RIMS4: variants seen among roughly 807,000 people sequenced by gnomAD.
RIMS4 encodes the protein regulating synaptic membrane exocytosis 4.
A neutral mutation model predicts 29.0 loss-of-function variants in RIMS4; 9 were observed. That is an observed-to-expected ratio of 0.31 (90% CI 0.19 to 0.54). The LOEUF (loss-of-function observed/expected upper bound fraction) is 0.54. Among genes scored for constraint, RIMS4 ranks in the 20% least tolerant of loss-of-function variants. The pLI, the probability that RIMS4 is intolerant of heterozygous loss-of-function variation, is 0.94. For missense variants in RIMS4, 193 were observed against 365.7 expected (o/e 0.53, Z 3.85); for synonymous variants, 130 against 152.9 (o/e 0.85, Z 1.10).
At chr20:44,767,218 C>T (rs1005289308) in intron 2 of RIMS4, among the ~76,000 whole-genome samples, 1 of 152,184 alleles carries the variant, frequency 6.6e-6, no homozygotes, top group African/African-American at 2.4e-5. Context: ...GAACACACGT[C>T]AATAGGGAGT....
chr20:44,801,829 A>G (rs538354747), intron 1 of RIMS4, among the ~76,000 whole-genome samples: 8 of 152,306 alleles, frequency 5.3e-5, no homozygotes, highest in African/African-American at 1.9e-4. Flanking sequence ...GACCATACCC[A>G]GGACTGAATT....
intron 2 of RIMS4, among the ~76,000 whole-genome samples, chr20:44,761,682 G>A (rs1311976319): frequency 1.3e-5 from 2 of 152,120 alleles, no homozygotes; most frequent in East Asian, 3.9e-4. Context: ...TCCCACACTC[G>A]GGTTGCCTGG....
intron 1 of RIMS4, among the ~76,000 whole-genome samples, chr20:44,801,676 G>A (rs1229297264): frequency 6.6e-6 from 1 of 152,200 alleles, no homozygotes; most frequent in Middle Eastern, 3.4e-3. Flanking sequence ...CTGATGCATT[G>A]CTCATTTTGA....
intron 1 of RIMS4, among the ~76,000 whole-genome samples, chr20:44,785,197 C>A (rs147887330): frequency 5.3e-5 from 8 of 151,938 alleles, no homozygotes; most frequent in African/African-American, 1.9e-4. Flanking sequence ...AGTTTGGGAG[C>A]CTGCAATCCC....
Position 44,758,187 on chromosome 20 carries a change from G to A in RIMS4, c.237-3C>T. 6.2e-7 allele frequency: 1 copy of A among 1,603,102 alleles called. No homozygotes were observed. The highest frequency in any genetic ancestry group is 8.5e-7 in the Non-Finnish European group (1 of 1,172,822). Reference sequence around the variant, plus strand: ...GGCAAACTCCTCCATAGTTAAGGCTGCAAGAGGAAAAGGTGAGACAAAGCA... The same window carrying A: ...GGCAAACTCCTCCATAGTTAAGGCTACAAGAGGAAAAGGTGAGACAAAGCA... On this transcript the variant is annotated splice_polypyrimidine_tract_variant and splice_region_variant and intron_variant, in intron 2 of 5. Transcript: ENST00000372851.
chr20:44,754,688 C>G lies in RIMS4; in HGVS notation c.*1446G>C, dbSNP rs1601014505. The G allele has an allele frequency of 6.5e-6, 1 of 152,806 alleles. No homozygotes were observed. The highest frequency in any genetic ancestry group is 1.5e-5 in the Non-Finnish European group (1 of 68,176). 9.5% of individuals were successfully genotyped at this position (152,806 alleles called of 1,614,324 possible). On this transcript the variant is annotated 3_prime_UTR_variant, in exon 6 of 6. Coordinates refer to ENST00000372851, the MANE Select transcript of RIMS4 (RefSeq NM_182970.4). ...ATCTAGGCCCAGGCCAGCGAGGAGA[C>G]AGTGGTCTCCTGGAATGTACTTGAG...
intron 1 of RIMS4, among the ~76,000 whole-genome samples, chr20:44,784,669 C>T (rs897269483): frequency 5.3e-5 from 8 of 152,348 alleles, no homozygotes; most frequent in African/African-American, 1.9e-4. Flanking sequence ...CACGCTGGGT[C>T]TCCTACTCCT....
chr20:44,786,277 C>T (rs1568902859), intron 1 of RIMS4, among the ~76,000 whole-genome samples: 1 of 152,172 alleles, frequency 6.6e-6, no homozygotes, highest in Non-Finnish European at 1.5e-5. Flanking sequence ...CACACCCCCA[C>T]CATCATTCCC....
rs1395306199 is a variant in RIMS4 at position 44,756,811 on chromosome 20, C to G, written c.591+87G>C. ...CAGGCGAGGCCCTCCAGAGACACCC[C>G]CCGCCAGGGGTGCCCTCCTCTCATT... is the stretch of plus-strand genomic sequence containing the variant. On this transcript the variant is annotated intron_variant, in intron 5 of 5. Coordinates refer to ENST00000372851, the MANE Select transcript of RIMS4 (RefSeq NM_182970.4). This position sits in a 1 kb window ranked among gnomAD's most constrained non-coding sequence, Gnocchi z 5.9. 13 of 1,391,008 alleles carry G rather than the reference C, an allele frequency of 9.3e-6. No individual in the cohort carries two copies. Among genetic ancestry groups the G allele is most frequent in the Non-Finnish European group, 1.2e-5 (13 of 1,042,588 alleles). The allele number at this position is 1,391,008 out of a possible 1,614,324, so 86.2% of individuals were successfully genotyped here.
chr20:44,796,179 C>T (rs1234754775), intron 1 of RIMS4, among the ~76,000 whole-genome samples: 1 of 151,574 alleles, frequency 6.6e-6, no homozygotes, highest in East Asian at 1.9e-4. Flanking sequence ...CCCCACCCAA[C>T]ATGTCAGTTC....
At chr20:44,767,226 A>T (rs987763271) in intron 2 of RIMS4, among the ~76,000 whole-genome samples, 1 of 152,198 alleles carries the variant, frequency 6.6e-6, no homozygotes, top group Non-Finnish European at 1.5e-5. Flanking sequence ...GTCAATAGGG[A>T]GTATCTCAGG....
rs367598464 is a variant in RIMS4 at position 44,798,572 on chromosome 20, G to T, written c.97+11603C>A. ...TGGCCAGATCCCCCATGCTAAGCAG[G>T]TCCCCCATCACTCAGCTGCCATGAG... On this transcript the variant is annotated intron_variant, in intron 1 of 5. Coordinates refer to ENST00000372851, the MANE Select transcript of RIMS4 (RefSeq NM_182970.4). Among the ~76,000 whole-genome samples the T allele has an allele frequency of 8.5e-5, 13 of 152,284 alleles. No individual in the cohort carries two copies. In the South Asian group the frequency reaches 2.7e-3, roughly 32 times the overall value.
chr20:44,765,508 TAAAACAAAAC>T (rs563565697), intron 2 of RIMS4, among the ~76,000 whole-genome samples: 1 of 152,138 alleles, frequency 6.6e-6, no homozygotes, highest in African/African-American at 2.4e-5. Flanking sequence ...CTAGTGCTTA[TAAAACAAAAC>T]AAAACAAAAC....
chr20:44,794,193 G>T (rs1272805773), intron 1 of RIMS4, among the ~76,000 whole-genome samples: 1 of 152,202 alleles, frequency 6.6e-6, no homozygotes, highest in Non-Finnish European at 1.5e-5. Flanking sequence ...GGGAACTGTG[G>T]TCTCCAATTT....
chr20:44,783,985 T>G (rs2066196681), intron 1 of RIMS4, among the ~76,000 whole-genome samples: 2 of 152,184 alleles, frequency 1.3e-5, no homozygotes, highest in Non-Finnish European at 2.9e-5. Flanking sequence ...ATGAATTATA[T>G]CTCAATAAAG....
At chr20:44,796,346 G>T (rs1194670440) in intron 1 of RIMS4, among the ~76,000 whole-genome samples, 2 of 152,142 alleles carry the variant, frequency 1.3e-5, no homozygotes, top group African/African-American at 4.8e-5. Context: ...ACAAAGACTG[G>T]ACTTGCCTTA....
Position 44,755,884 on chromosome 20 carries a change from C to T in RIMS4, c.*250G>A. The T allele has an allele frequency of 4.1e-6, 2 of 488,810 alleles. No homozygotes were observed. Among genetic ancestry groups the T allele is most frequent in the Non-Finnish European group, 7.4e-6 (2 of 271,230 alleles). 30.3% of individuals were successfully genotyped at this position (488,810 alleles called of 1,614,324 possible). ...AATCTTTCCTTTCTCTGGACTGCAG[C>T]CACATCCACCAGGTCAAGAACCGGC... On this transcript the variant is annotated 3_prime_UTR_variant, in exon 6 of 6. Transcript: ENST00000372851.
intron 2 of RIMS4, among the ~76,000 whole-genome samples, chr20:44,763,690 A>T (rs1232464908): frequency 6.6e-6 from 1 of 152,170 alleles, no homozygotes; most frequent in Non-Finnish European, 1.5e-5. Flanking sequence ...TTGTTTGTGG[A>T]GCTGAAACCC....
chr20:44,778,432 T>C (rs1189174069), intron 1 of RIMS4, among the ~76,000 whole-genome samples: 1 of 152,148 alleles, frequency 6.6e-6, no homozygotes, highest in Non-Finnish European at 1.5e-5. Context: ...TCCCAACACT[T>C]TGGGAGGCCA....
Sources: allele counts gnomAD v4.1 joint callset (sites outside exome capture counted in the v4.1 genomes callset), GRCh38; gene constraint gnomAD v4.1.1; non-coding constraint Gnocchi (gnomAD v3.1); transcripts MANE v1.5; gene names NCBI Gene and HGNC (gene_info 2026-07-23, HGNC 2026-07-21).